The following ADGRB3 variants were observed in gnomAD, a reference collection of about 807,000 sequenced individuals.
ADGRB3 encodes brain-specific angiogenesis inhibitor 3.
In ADGRB3, 37 loss-of-function variants were observed where a neutral mutation model predicts 193.4. That is an observed-to-expected ratio of 0.19 (90% confidence interval 0.15 to 0.25). ADGRB3 has a LOEUF of 0.25. Ranked by LOEUF, ADGRB3 falls within the 10% of genes least tolerant of loss-of-function variation. The pLI, the probability that ADGRB3 is intolerant of heterozygous loss-of-function variation, is 1.00. For missense variants in ADGRB3, 1,637 were observed against 1,852.9 expected, an observed-to-expected ratio of 0.88 and a Z score of 2.14; for synonymous variants, 690 against 644.2, an observed-to-expected ratio of 1.07 and a Z score of -1.08.
At chr6:69,146,370 C>G (rs1198631556) in intron 17 of ADGRB3, among the ~76,000 whole-genome samples, 2 of 152,222 alleles carry the variant, frequency 1.3e-5, no homozygotes, top group African/African-American at 4.8e-5. Context: ...AGGAAACAGG[C>G]ACTTCTGAGC....
chr6:68,975,961 T>A (rs1768735458), intron 10 of ADGRB3, among the ~76,000 whole-genome samples: 2 of 152,188 alleles, frequency 1.3e-5, no homozygotes, highest in South Asian at 4.1e-4. Context: ...ATTTTACAAG[T>A]ACAAGTCATT....
chr6:68,771,091 T>A (rs563685561), intron 3 of ADGRB3, among the ~76,000 whole-genome samples: 1 of 152,272 alleles, frequency 6.6e-6, no homozygotes, highest in African/African-American at 2.4e-5. Flanking sequence ...AATCAAATGA[T>A]GAGTGCATCC....
At chr6:68,919,295 T>C (rs7747549) in intron 3 of ADGRB3, among the ~76,000 whole-genome samples, 123,573 of 152,068 alleles carry the variant, frequency 0.81, 50,964 homozygotes, top group Non-Finnish European at 0.88. Flanking sequence ...TATTTATTCA[T>C]CAAATATTTA....
At chr6:69,194,213 A>T (rs1369429182) in intron 17 of ADGRB3, among the ~76,000 whole-genome samples, 3 of 152,126 alleles carry the variant, frequency 2.0e-5, no homozygotes, top group Non-Finnish European at 1.5e-5. Context: ...TACCCAAAAT[A>T]AAAAAGCACT....
chr6:68,866,887 A>G (rs1489005687), intron 3 of ADGRB3, among the ~76,000 whole-genome samples: 1 of 152,198 alleles, frequency 6.6e-6, no homozygotes, highest in Non-Finnish European at 1.5e-5. Flanking sequence ...AGCATTCAAG[A>G]TGTAATATGG....
intron 13 of ADGRB3, among the ~76,000 whole-genome samples, chr6:69,036,705 T>G (rs1770882175): frequency 6.6e-6 from 1 of 152,068 alleles, no homozygotes; most frequent in African/African-American, 2.4e-5. Flanking sequence ...AAGGAAAGAA[T>G]GTTCTAGTTA....
chr6:69,048,209 C>A lies in ADGRB3; in HGVS notation c.2132C>A (p.Ala711Glu), dbSNP rs1396652076. The A allele has an allele frequency of 6.2e-7, 1 of 1,612,274 alleles. No homozygotes were observed. The highest frequency in any genetic ancestry group is 8.5e-7 in the Non-Finnish European group (1 of 1,179,362). ...NVVASIQKLP[A>E]ASVLTDINFP... is the part of the protein sequence containing the mutation. ...GTGGCTAGTATTCAGAAGCTTCCTG[C>A]AGCCTCTGTTCTAACAGACATCAAC... Residue 711 changes from alanine to glutamate, a missense_variant, in exon 14 of 32, where the codon GCA becomes GAA. Physicochemically the swap from Ala to Glu is moderately radical, Grantham distance 107. Transcript: ENST00000370598.
intron 3 of ADGRB3, among the ~76,000 whole-genome samples, chr6:68,721,523 G>GC (rs1236305873): frequency 6.6e-6 from 1 of 151,316 alleles, no homozygotes; most frequent in African/African-American, 2.4e-5. Flanking sequence ...TATACCTAAT[G>GC]TAAATGACGA....
intron 13 of ADGRB3, among the ~76,000 whole-genome samples, chr6:69,039,803 G>A (rs945367924): frequency 2.7e-5 from 4 of 146,094 alleles, no homozygotes. Context: ...GTGCAGTGGT[G>A]CAATCTCGGC....
chr6:68,754,055 G>T (rs760761347), intron 3 of ADGRB3, among the ~76,000 whole-genome samples: 2 of 152,112 alleles, frequency 1.3e-5, no homozygotes, highest in African/African-American at 4.8e-5. Context: ...GGGTCCCTGT[G>T]GGGAGAGCTT....
chr6:68,957,032 G>A (rs1213369805), intron 8 of ADGRB3, among the ~76,000 whole-genome samples: 1 of 152,132 alleles, frequency 6.6e-6, no homozygotes, highest in Non-Finnish European at 1.5e-5. Flanking sequence ...AAAACAAGTT[G>A]CCTTAGGATA....
rs554027181 is a variant in ADGRB3 at position 69,223,652 on chromosome 6, CT to C, written c.2481-9616del. 9.0e-3 allele frequency among the ~76,000 whole-genome samples: 997 copies of C among 110,382 alleles called. 1 individual carries two copies. The highest frequency in any genetic ancestry group is 0.019 in the African/African-American group (501 of 25,946). The allele number at this position is 110,382 out of a possible 152,430, so 72.4% of individuals were successfully genotyped here. A position where few individuals can be genotyped will look rare whatever the true frequency, so the allele number is the denominator to read the frequency against. On this transcript the variant is annotated intron_variant, in intron 17 of 31. Transcript: ENST00000370598. ...AATTTTTTTGAATCTCTCTCTCTCTCTTTTTTTTTTTTTTTTTTTTTTGGCA... is the reference window on the plus strand; with the variant it reads ...AATTTTTTTGAATCTCTCTCTCTCTCTTTTTTTTTTTTTTTTTTTTTGGCA...
intron 17 of ADGRB3, among the ~76,000 whole-genome samples, chr6:69,158,992 C>T (rs1468274443): frequency 6.6e-6 from 1 of 152,036 alleles, no homozygotes; most frequent in African/African-American, 2.4e-5. Flanking sequence ...CCCCACCCCA[C>T]CACCTCTATA....
intron 3 of ADGRB3, among the ~76,000 whole-genome samples, chr6:68,686,179 TG>T (rs1269033076): frequency 6.6e-6 from 1 of 152,194 alleles, no homozygotes; most frequent in African/African-American, 2.4e-5. Flanking sequence ...ATGACAGTAA[TG>T]AGCAGAAGCA....
intron 17 of ADGRB3, chr6:69,232,989 GCCGC>G (rs1370502576): frequency 2.3e-6 from 1 of 434,692 alleles, no homozygotes; most frequent in Non-Finnish European, 4.1e-6. Flanking sequence ...TGCTCGTGCT[GCCGC>G]CGCTGCCGCT....
At chr6:69,211,423 A>G (rs145290497) in intron 17 of ADGRB3, among the ~76,000 whole-genome samples, 1 of 152,236 alleles carries the variant, frequency 6.6e-6, no homozygotes, top group East Asian at 1.9e-4. Flanking sequence ...ACTTAATCCT[A>G]TATATCTTTA....
rs529612335 is a variant in ADGRB3, at chr6:69,163,836, C to T, written c.2481-69454C>T. ...CACTGATTCTTTGTATAATTGATTG[C>T]CTTTTTAAAATTTGCATGTTGCATT... On this transcript the variant is annotated intron_variant, in intron 17 of 31. Transcript: ENST00000370598. 2.0e-5 allele frequency among the ~76,000 whole-genome samples: 3 copies of T among 152,170 alleles called. 1 individual carries two copies. The South Asian group carries it at 6.2e-4, about 32-fold the overall frequency.
chr6:68,709,091 A>G (rs1188647601), intron 3 of ADGRB3, among the ~76,000 whole-genome samples: 1 of 152,212 alleles, frequency 6.6e-6, no homozygotes, highest in Non-Finnish European at 1.5e-5. Flanking sequence ...TACTGCATTA[A>G]CTGCATTCAT....
Position 68,837,963 on chromosome 6 carries a change from T to C in ADGRB3, c.758-92596T>C, listed in dbSNP as rs182614861. On this transcript the variant is annotated intron_variant, in intron 3 of 31. Transcript: ENST00000370598. ...GTTAACTTCCAAGGCATTCTGATAGTTATGCCTTGATTCTGGATCTTGATT... is the reference window on the plus strand; with the variant it reads ...GTTAACTTCCAAGGCATTCTGATAGCTATGCCTTGATTCTGGATCTTGATT... Among the ~76,000 whole-genome samples the C allele has an allele frequency of 7.2e-5, 11 of 152,294 alleles. No homozygotes were observed. In the East Asian group the frequency reaches 2.1e-3, roughly 29 times the overall value.
Sources: gnomAD v4.1 joint callset for allele counts (sites outside exome capture counted in the v4.1 genomes callset) on GRCh38, gnomAD v4.1.1 for gene constraint, MANE v1.5 for transcripts, NCBI Gene and HGNC (gene_info 2026-07-23, HGNC 2026-07-21) for gene names.